Variants in DPP10 observed in about 807,000 individuals in gnomAD.
DPP10 encodes dipeptidyl peptidase like 10.
DPP10 carries 33 observed loss-of-function variants against 120.9 expected under a neutral mutation model. The ratio of observed to expected loss-of-function variants is 0.27; its 90% CI spans 0.21 to 0.37. The LOEUF (loss-of-function observed/expected upper bound fraction) is 0.37. Ranked by LOEUF, DPP10 falls within the 10% of genes least tolerant of loss-of-function variation. The pLI is 1.00. For missense variants in DPP10, 816 were observed against 942.8 expected, an observed-to-expected ratio of 0.87 and a Z score of 1.76; for synonymous variants, 337 against 326.1, an observed-to-expected ratio of 1.03 and a Z score of -0.36.
chr2:114,771,661 C>T (rs1003777300), intron 1 of DPP10, among the ~76,000 whole-genome samples: 1 of 152,210 alleles, frequency 6.6e-6, no homozygotes, highest in Non-Finnish European at 1.5e-5. Context: ...AGGAAACTCA[C>T]TTGTTCAACA....
chr2:115,815,662 G>T lies in DPP10; in HGVS notation c.1896-13G>T, dbSNP rs750658559. The T allele has an allele frequency of 1.3e-6, 2 of 1,594,868 alleles. No individual in the cohort carries two copies. The highest frequency in any genetic ancestry group is 1.7e-5 in the Admixed American group (1 of 57,326). ...CACAAAGATATAACTATTGTTTTTC[G>T]TTTTCATTGCAGATTTTTGCTGAAA... On this transcript the variant is annotated splice_polypyrimidine_tract_variant and intron_variant, in intron 20 of 25. Transcript: ENST00000410059.
At chr2:114,483,677 A>C (rs548914657) in intron 1 of DPP10, among the ~76,000 whole-genome samples, 1 of 152,170 alleles carries the variant, frequency 6.6e-6, no homozygotes, top group Non-Finnish European at 1.5e-5. Flanking sequence ...CTGATCCTTG[A>C]ATTTCATTAG....
At chr2:114,717,956 CTT>C (rs1207809793) in intron 1 of DPP10, among the ~76,000 whole-genome samples, 1 of 152,020 alleles carries the variant, frequency 6.6e-6, no homozygotes, top group Non-Finnish European at 1.5e-5. Context: ...TTTTAACAAA[CTT>C]TTGATATTTG....
chr2:114,522,081 G>A (rs1237516684), intron 1 of DPP10, among the ~76,000 whole-genome samples: 10 of 146,176 alleles, frequency 6.8e-5, no homozygotes, highest in Admixed American at 1.4e-4. Flanking sequence ...CCGGGTTCAC[G>A]CCATTCTCCT....
chr2:115,340,314 A>G (rs1002444749), intron 2 of DPP10, among the ~76,000 whole-genome samples: 4 of 152,156 alleles, frequency 2.6e-5, no homozygotes, highest in East Asian at 1.9e-4. Context: ...TCTGTTCACA[A>G]TACCAAACTA....
At chr2:115,642,056 T>C (rs1343614576) in intron 5 of DPP10, among the ~76,000 whole-genome samples, 3 of 152,156 alleles carry the variant, frequency 2.0e-5, no homozygotes, top group Non-Finnish European at 4.4e-5. Flanking sequence ...TTTTCAGTAA[T>C]TAGATAGGAG....
At chr2:114,950,293 T>C (rs1404361944) in intron 1 of DPP10, among the ~76,000 whole-genome samples, 2 of 50,726 alleles carry the variant, frequency 3.9e-5, no homozygotes, top group Non-Finnish European at 1.0e-4. Flanking sequence ...CACACCTTGC[T>C]TTTTTTTTTT....
intron 5 of DPP10, among the ~76,000 whole-genome samples, chr2:115,644,708 A>G (rs1313172280): frequency 6.6e-6 from 1 of 151,986 alleles, no homozygotes; most frequent in South Asian, 2.1e-4. Flanking sequence ...CCTTGAGCCC[A>G]GGAGTTTGGG....
chr2:114,544,662 T>C (rs1428957605), intron 1 of DPP10, among the ~76,000 whole-genome samples: 2 of 151,868 alleles, frequency 1.3e-5, no homozygotes, highest in Admixed American at 1.3e-4. Context: ...TTAAATGATA[T>C]AATAATATAT....
At position 115,802,447 on chromosome 2, in the gene DPP10, C is replaced by T. The variant is rs1375397797; in HGVS notation, c.1700+11091C>T. 4.6e-5 allele frequency among the ~76,000 whole-genome samples: 7 copies of T among 152,044 alleles called. No homozygotes were observed. The East Asian group carries it at 7.7e-4, about 17-fold the overall frequency. ...CTATTTCTTTCAGTTCTGCTCTGAT[C>T]TTAGTTATTTCTTGCCTTCTGCTAG... On this transcript the variant is annotated intron_variant, in intron 19 of 25. Transcript: ENST00000410059.
intron 3 of DPP10, among the ~76,000 whole-genome samples, chr2:115,476,299 C>T (rs1344153748): frequency 6.6e-6 from 1 of 152,098 alleles, no homozygotes; most frequent in African/African-American, 2.4e-5. Flanking sequence ...TCTCCACTTT[C>T]CCTCATTCTG....
intron 10 of DPP10, among the ~76,000 whole-genome samples, chr2:115,747,182 G>A (rs892375713): frequency 2.6e-5 from 4 of 152,158 alleles, no homozygotes; most frequent in African/African-American, 9.7e-5. Context: ...AAATCCCAGT[G>A]AGAGTAAATG....
chr2:115,334,230 G>GTTTTTTTTTTTTTTTTTTTTTTTTTGTT, intron 2 of DPP10, among the ~76,000 whole-genome samples: 5 of 56,412 alleles, frequency 8.9e-5, no homozygotes, highest in East Asian at 5.5e-4. Flanking sequence ...AGCAGACTCT[G>GTTTTTTTTTTTTTTTTTTTTTTTTTGTT]TTTTTTTTTT....
chr2:115,555,912 C>G (rs971665624), intron 5 of DPP10, among the ~76,000 whole-genome samples: 1 of 152,044 alleles, frequency 6.6e-6, no homozygotes, highest in Non-Finnish European at 1.5e-5. Flanking sequence ...GGATATTTCT[C>G]TGTAACTTCT....
chr2:115,492,377 G>A, intron 3 of DPP10, among the ~76,000 whole-genome samples: 1 of 152,262 alleles, frequency 6.6e-6, no homozygotes, highest in South Asian at 2.1e-4. Flanking sequence ...AGTTTGACAG[G>A]TATTTCAATA....
intron 1 of DPP10, among the ~76,000 whole-genome samples, chr2:114,667,786 T>G (rs548115227): frequency 6.6e-6 from 1 of 152,306 alleles, no homozygotes; most frequent in East Asian, 1.9e-4. Context: ...CTAATAAGAA[T>G]GCAATCTAAG....
At chr2:114,934,106 G>A (rs1187648555) in intron 1 of DPP10, among the ~76,000 whole-genome samples, 2 of 152,130 alleles carry the variant, frequency 1.3e-5, no homozygotes, top group African/African-American at 4.8e-5. Flanking sequence ...ACTACACTGG[G>A]TCTTCCTTGA....
At chr2:115,264,545 C>T (rs971133552) in intron 1 of DPP10, among the ~76,000 whole-genome samples, 4 of 152,082 alleles carry the variant, frequency 2.6e-5, no homozygotes, top group African/African-American at 9.7e-5. Flanking sequence ...TGAAGAGGAG[C>T]ATTATAGAGG....
chr2:115,270,163 T>G (rs1363349215), intron 1 of DPP10, among the ~76,000 whole-genome samples: 2 of 151,728 alleles, frequency 1.3e-5, no homozygotes, highest in East Asian at 3.9e-4. Context: ...CAGTCACCTT[T>G]GCAGCTCTTG....
Sources: allele counts gnomAD v4.1 joint callset (sites outside exome capture counted in the v4.1 genomes callset), GRCh38; gene constraint gnomAD v4.1.1; transcripts MANE v1.5; gene names NCBI Gene and HGNC (gene_info 2026-07-23, HGNC 2026-07-21).